Variants in ARHGEF19 observed in about 807,000 individuals in gnomAD.
ARHGEF19 encodes Rho guanine nucleotide exchange factor (GEF) 19.
Under a neutral mutation model 87.6 loss-of-function variants are expected in ARHGEF19, and 92 were observed. That is an observed-to-expected ratio of 1.05 (90% confidence interval 0.89 to 1.25). The LOEUF (loss-of-function observed/expected upper bound fraction) is 1.25, where lower values mean the gene tolerates loss of function less well. Ranked by LOEUF, ARHGEF19 falls within the 50% of genes most tolerant of loss-of-function variation. ARHGEF19 has a pLI of 0.00. For missense variants in ARHGEF19, 1,054 were observed against 1,051.8 expected (o/e 1.00, Z -0.03); for synonymous variants, 438 against 446.2 (o/e 0.98, Z 0.23).
At position 16,206,390 on chromosome 1, in the gene ARHGEF19, G is replaced by A. The variant is rs2081135426; in HGVS notation, c.1138-50C>T. 6.4e-7 allele frequency: 1 copy of A among 1,552,428 alleles called. No individual in the cohort carries two copies. The highest frequency in any genetic ancestry group is 8.7e-7 in the Non-Finnish European group (1 of 1,146,428). On this transcript the variant is annotated intron_variant, in intron 6 of 15. Coordinates refer to ENST00000270747, the MANE Select transcript of ARHGEF19 (RefSeq NM_153213.5). This position sits in a 1 kb window ranked among gnomAD's most constrained non-coding sequence, Gnocchi z 4.6. ...GAAAGGGCAGGACCAGTTCACCTCGGAGGCCCTGGCCTCACATCCCCAGAC... is the reference window on the plus strand; with the variant it reads ...GAAAGGGCAGGACCAGTTCACCTCGAAGGCCCTGGCCTCACATCCCCAGAC...
At position 16,208,957 on chromosome 1, in the gene ARHGEF19, G is replaced by A; in HGVS notation, c.98C>T (p.Ser33Phe). Reference protein sequence around the residue: ...PVAVCQQESLSFAELPALKPP... With the variant: ...PVAVCQQESLFFAELPALKPP... Reference sequence around the variant, plus strand: ...CTTCAGGGCGGGCAGCTCTGCAAAGGACAGACTCTCCTGCTGGCACACTGC... The same window carrying A: ...CTTCAGGGCGGGCAGCTCTGCAAAGAACAGACTCTCCTGCTGGCACACTGC... Residue 33 changes from serine (S) to phenylalanine (F), a missense_variant, in exon 2 of 16, where the codon TCC (serine) becomes TTC (phenylalanine). Transcript: ENST00000270747. 6.4e-7 allele frequency: 1 copy of A among 1,565,204 alleles called. No homozygotes were observed. Among genetic ancestry groups the A allele is most frequent in the Non-Finnish European group, 8.6e-7 (1 of 1,157,006 alleles).
chr1:16,204,743 G>T lies in ARHGEF19; in HGVS notation c.1907+16C>A. 1 of 1,566,344 alleles carries T rather than the reference G, an allele frequency of 6.4e-7. No homozygotes were observed. The highest frequency in any genetic ancestry group is 8.7e-7 in the Non-Finnish European group (1 of 1,151,720). ...GGCTCCACTTTACCTACCCACCCCT[G>T]ACTGCCCCGACTCACTCCTTCCGCC... On this transcript the variant is annotated intron_variant, in intron 12 of 15. Coordinates refer to ENST00000270747, the MANE Select transcript of ARHGEF19 (RefSeq NM_153213.5).
chr1:16,206,735 C>T lies in ARHGEF19; in HGVS notation c.1137+213G>A, dbSNP rs548003243. ...CTCCGCCCCCTACCCGCACCCAAGC[C>T]CGGCTCCCCTCGCCTCTCGCTCAGC... On this transcript the variant is annotated intron_variant, in intron 6 of 15. Coordinates refer to ENST00000270747, the MANE Select transcript of ARHGEF19 (RefSeq NM_153213.5). This position sits in a 1 kb window ranked among gnomAD's most constrained non-coding sequence, Gnocchi z 4.6. 1.4e-4 allele frequency among the ~76,000 whole-genome samples: 22 copies of T among 152,264 alleles called. No homozygotes were observed. The highest frequency in any genetic ancestry group is 7.2e-4 in the Admixed American group (11 of 15,300).
rs1470896420 is a variant in ARHGEF19, at chr1:16,199,287, A to G, written c.2147-33T>C. The G allele has an allele frequency of 4.4e-6, 7 of 1,598,252 alleles. No individual in the cohort carries two copies. In the African/African-American group the frequency reaches 8.1e-5, roughly 18 times the overall value. ...CCCAAGGGAGGCTCAGGGAGTCCCA[A>G]GGGCAGGATGGCAGGGGGAGGAGCA... On this transcript the variant is annotated intron_variant, in intron 14 of 15. Coordinates refer to ENST00000270747, the MANE Select transcript of ARHGEF19 (RefSeq NM_153213.5).
intron 1 of ARHGEF19, among the ~76,000 whole-genome samples, chr1:16,209,812 C>T (rs143444974): frequency 1.3e-5 from 2 of 152,278 alleles, no homozygotes; most frequent in Non-Finnish European, 2.9e-5. Context: ...GAGTTGCGGC[C>T]TTCAGTGCTG....
At chr1:16,204,043 G>A (rs1464657597) in intron 12 of ARHGEF19, among the ~76,000 whole-genome samples, 5 of 151,880 alleles carry the variant, frequency 3.3e-5, no homozygotes, top group Admixed American at 1.3e-4. Context: ...ATCCTTTTTT[G>A]TTTTAAGAGA....
In ARHGEF19 at chr1:16,207,505, A is replaced by G. The variant is rs763604385; in HGVS notation, c.874+17T>C. On this transcript the variant is annotated intron_variant, in intron 5 of 15. Transcript: ENST00000270747. The surrounding 1 kb of genome is among the most constrained non-coding windows in gnomAD (Gnocchi z 4.0). The stretch of plus-strand genomic sequence containing the variant: ...CTTCCTCCGTTACCTCCTCCCAGGG[A>G]CCCCCCTCCCACGTACAGTTAAGGA... 1.2e-6 allele frequency: 2 copies of G among 1,611,866 alleles called. No homozygotes were observed.
chr1:16,212,062 CAT>C (rs1284661321), intron 1 of ARHGEF19, among the ~76,000 whole-genome samples: 1 of 152,220 alleles, frequency 6.6e-6, no homozygotes, highest in Admixed American at 6.5e-5. Flanking sequence ...CTCTAAGAAA[CAT>C]GTCTCATCAT....
At position 16,207,173 on chromosome 1, in the gene ARHGEF19, G is replaced by T; in HGVS notation, c.912C>A (p.Ala304=). The T allele has an allele frequency of 6.5e-7, 1 of 1,530,652 alleles. No homozygotes were observed. The highest frequency in any genetic ancestry group is 8.7e-7 in the Non-Finnish European group (1 of 1,142,910). 94.8% of individuals were successfully genotyped at this position (1,530,652 alleles called of 1,614,324 possible). ...CGCGCTGCTGCCGCCGCAGTTCGCG[G>T]GCGCTGGCCACGTCGCTGTATTCCT... is the stretch of plus-strand genomic sequence containing the variant. ...LYQEYSDVAS[A]RELRRQQREE... Residue 304 remains alanine (A), a synonymous_variant, in exon 6 of 16, where the codon GCC becomes GCA. Coordinates refer to ENST00000270747, the MANE Select transcript of ARHGEF19 (RefSeq NM_153213.5). The surrounding 1 kb of genome is among the most constrained non-coding windows in gnomAD (Gnocchi z 4.0).
At chr1:16,208,277 C>T in intron 2 of ARHGEF19, 52 bp from the exon 3 acceptor site, 1 of 1,571,798 alleles carries the variant, frequency 6.4e-7, no homozygotes, top group Non-Finnish European at 8.6e-7. Context: ...CCCCCAACCT[C>T]CTCCCTGCTG....
chr1:16,206,895 ACCGCGTACTCCCCGGC>A lies in ARHGEF19; in HGVS notation c.1137+37_1137+52del. ...GGCCCGGTTCCCGCTAAGTCCCCGG[ACCGCGTACTCCCCGGC>A]CCGCCCCCGCCCCGCCGGGTCCCCG... is the stretch of plus-strand genomic sequence containing the variant. On this transcript the variant is annotated intron_variant, in intron 6 of 15. Coordinates refer to ENST00000270747, the MANE Select transcript of ARHGEF19 (RefSeq NM_153213.5). The surrounding 1 kb of genome is among the most constrained non-coding windows in gnomAD (Gnocchi z 4.6). The A allele has an allele frequency of 1.2e-5, 17 of 1,396,332 alleles. No homozygotes were observed. Among genetic ancestry groups the A allele is most frequent in the South Asian group, 1.6e-5 (1 of 64,290 alleles). The allele number at this position is 1,396,332 out of a possible 1,614,324, so 86.5% of individuals were successfully genotyped here.
chr1:16,201,709 A>G, intron 14 of ARHGEF19, 73 bp downstream of exon 14: 3 of 1,510,826 alleles, frequency 2.0e-6, no homozygotes, highest in Non-Finnish European at 2.7e-6. Context: ...GCAACACAGC[A>G]CCCAGGATGG....
At chr1:16,211,568 G>A (rs764457513) in intron 1 of ARHGEF19, among the ~76,000 whole-genome samples, 115 of 151,218 alleles carry the variant, frequency 7.6e-4, no homozygotes, top group African/African-American at 2.6e-3. Flanking sequence ...AAGGCTTCCC[G>A]GGGAGATGAA....
chr1:16,203,839 C>G (rs1316537918), intron 12 of ARHGEF19, among the ~76,000 whole-genome samples: 1 of 152,168 alleles, frequency 6.6e-6, no homozygotes, highest in African/African-American at 2.4e-5. Context: ...CCGCAGTACA[C>G]CCTTATATCA....
Position 16,205,292 on chromosome 1 carries a change from G to T in ARHGEF19, c.1656+59C>A, listed in dbSNP as rs555784579. On this transcript the variant is annotated intron_variant, in intron 10 of 15. Transcript: ENST00000270747. The surrounding 1 kb of genome is among the most constrained non-coding windows in gnomAD (Gnocchi z 5.8). Reference sequence around the variant, plus strand: ...GACAGCTGGGGGCTGTTTTAGAGACGTGCTGGGGGTCCAGGGGGGGCCTCA... The same window carrying T: ...GACAGCTGGGGGCTGTTTTAGAGACTTGCTGGGGGTCCAGGGGGGGCCTCA... 6.2e-7 allele frequency: 1 copy of T among 1,610,502 alleles called. No homozygotes were observed. Among genetic ancestry groups the T allele is most frequent in the East Asian group, 2.2e-5 (1 of 44,830 alleles).
At chr1:16,209,174 A>G (rs2100292525) in intron 1 of ARHGEF19, 91 bp from the exon 2 acceptor site, 1 of 830,856 alleles carries the variant, frequency 1.2e-6, no homozygotes, top group Non-Finnish European at 1.7e-6. Flanking sequence ...ACCCCTGTGT[A>G]CACTTGTGTA....
At chr1:16,208,345 T>G in intron 2 of ARHGEF19, 120 bp from the exon 3 acceptor site, 1 of 1,291,830 alleles carries the variant, frequency 7.7e-7, no homozygotes, top group Non-Finnish European at 1.0e-6. Context: ...GGGAAGGGCC[T>G]GTGTTTCTGC....
chr1:16,211,499 C>CTGCAGAGGAG, intron 1 of ARHGEF19, among the ~76,000 whole-genome samples: 1 of 152,202 alleles, frequency 6.6e-6, no homozygotes, highest in East Asian at 1.9e-4. Flanking sequence ...GCAGCAGGAG[C>CTGCAGAGGAG]ACCCCCAGTT....
intron 1 of ARHGEF19, among the ~76,000 whole-genome samples, chr1:16,209,613 G>A (rs1330414010): frequency 6.6e-6 from 1 of 152,178 alleles, no homozygotes; most frequent in Admixed American, 6.5e-5. Flanking sequence ...CACAGTCACA[G>A]ACACACACAT....
Sources: gnomAD v4.1 joint callset for allele counts (sites outside exome capture counted in the v4.1 genomes callset) on GRCh38, gnomAD v4.1.1 for gene constraint, Gnocchi (gnomAD v3.1) non-coding constraint, MANE v1.5 for transcripts, NCBI Gene and HGNC (gene_info 2026-07-23, HGNC 2026-07-21) for gene names.